PEAK1: variants seen among roughly 807,000 people sequenced by gnomAD.
PEAK1 encodes pseudopodium enriched atypical kinase 1.
Under a neutral mutation model 124.7 loss-of-function variants are expected in PEAK1, and 54 were observed. The observed-to-expected ratio is 0.43, with a 90% CI of 0.35 to 0.54. PEAK1 has a LOEUF of 0.54. Ranked by LOEUF, PEAK1 falls within the 20% of genes least tolerant of loss-of-function variation. The pLI is 0.01. For missense variants in PEAK1, 2,046 were observed against 2,134.5 expected, an observed-to-expected ratio of 0.96 and a Z score of 0.82; for synonymous variants, 719 against 760.0, an observed-to-expected ratio of 0.95 and a Z score of 0.89.
At chr15:77,332,858 T>C (rs930654196) in intron 2 of PEAK1, among the ~76,000 whole-genome samples, 14 of 152,062 alleles carry the variant, frequency 9.2e-5, no homozygotes, top group South Asian at 4.1e-4. Context: ...TCATTTTTTT[T>C]AATGGTACCT....
intron 1 of PEAK1, among the ~76,000 whole-genome samples, chr15:77,378,460 A>T (rs2069212010): frequency 6.6e-6 from 1 of 152,068 alleles, no homozygotes; most frequent in Non-Finnish European, 1.5e-5. Context: ...TTGCTACTTC[A>T]CGGTATTATT....
Position 77,361,237 on chromosome 15 carries a change from A to T in PEAK1, c.-603+3926T>A, listed in dbSNP as rs2141565476. Among the ~76,000 whole-genome samples, 2 of 152,258 alleles carry T rather than the reference A, an allele frequency of 1.3e-5. 1 individual carries two copies. Among genetic ancestry groups the T allele is most frequent in the South Asian group, 4.1e-4 (2 of 4,828 alleles). ...ATAAATGAACATTTTTCAAAAGAAG[A>T]CATATACCAGCCTGGGCAACATAAC... On this transcript the variant is annotated intron_variant, in intron 2 of 9. Transcript: ENST00000682557.
rs540853711 is a variant in PEAK1 at position 77,300,971 on chromosome 15, C to T, written c.-602-14467G>A. Among the ~76,000 whole-genome samples, 4 of 152,242 alleles carry T rather than the reference C, an allele frequency of 2.6e-5. No individual in the cohort carries two copies. In the East Asian group the frequency reaches 7.7e-4, roughly 29 times the overall value. On this transcript the variant is annotated intron_variant, in intron 2 of 9. Coordinates refer to ENST00000682557, the MANE Select transcript of PEAK1 (RefSeq NM_001385026.1). ...GGTTCAAGTGATTCTCCTGTCTCAGCCTCCAGAGTAGCTGGGATTACAGGC... is the reference window on the plus strand; with the variant it reads ...GGTTCAAGTGATTCTCCTGTCTCAGTCTCCAGAGTAGCTGGGATTACAGGC...
chr15:77,127,556 G>C (rs1353381469), intron 9 of PEAK1, among the ~76,000 whole-genome samples: 1 of 152,210 alleles, frequency 6.6e-6, no homozygotes, highest in East Asian at 1.9e-4. Context: ...CTGGAGGAAA[G>C]GGAATCCTTG....
chr15:77,214,635 A>G (rs1300935378), intron 6 of PEAK1, among the ~76,000 whole-genome samples: 1 of 151,946 alleles, frequency 6.6e-6, no homozygotes, highest in Non-Finnish European at 1.5e-5. Flanking sequence ...AAAAAAAAAA[A>G]AAAGAAAAGA....
At chr15:77,123,820 G>A (rs541005379) in intron 9 of PEAK1, among the ~76,000 whole-genome samples, 7 of 152,156 alleles carry the variant, frequency 4.6e-5, no homozygotes, top group South Asian at 2.1e-4. Context: ...TTAAGTTAAC[G>A]GCAGAAGGCC....
At chr15:77,367,167 G>T (rs1240251177) in intron 1 of PEAK1, among the ~76,000 whole-genome samples, 2 of 152,078 alleles carry the variant, frequency 1.3e-5, no homozygotes, top group East Asian at 3.9e-4. Flanking sequence ...AAGTACAAAT[G>T]ATTTGCTAAA....
intron 1 of PEAK1, among the ~76,000 whole-genome samples, chr15:77,367,993 C>A (rs549904440): frequency 6.6e-6 from 1 of 152,218 alleles, no homozygotes; most frequent in African/African-American, 2.4e-5. Context: ...ATAATCTTTA[C>A]GCTGGCAAAT....
At chr15:77,404,648 A>T in intron 1 of PEAK1, 3 of 950,604 alleles carry the variant, frequency 3.2e-6, no homozygotes, top group Non-Finnish European at 3.8e-6. Context: ...AAGAGATTTG[A>T]GACATATTCT....
chr15:77,408,188 C>CACACACA (rs1264399914), intron 1 of PEAK1, among the ~76,000 whole-genome samples: 1 of 149,900 alleles, frequency 6.7e-6, no homozygotes, highest in Non-Finnish European at 1.5e-5. Flanking sequence ...CACACACACA[C>CACACACA]CCTGGAATAC....
chr15:77,386,425 TG>T (rs1284741295), intron 1 of PEAK1, among the ~76,000 whole-genome samples: 1 of 152,206 alleles, frequency 6.6e-6, no homozygotes, highest in East Asian at 1.9e-4. Context: ...AAAATGCTGT[TG>T]GTAGCACAAA....
At position 77,262,021 on chromosome 15, in the gene PEAK1, T is replaced by C. The variant is rs558455291; in HGVS notation, c.-274-9495A>G. On this transcript the variant is annotated intron_variant, in intron 5 of 9. Coordinates refer to ENST00000682557, the MANE Select transcript of PEAK1 (RefSeq NM_001385026.1). ...ATCCAGCCAAACTAAGCTTCATAAG[T>C]GAAGGAGAAATAAAATACTTTACAG... Among the ~76,000 whole-genome samples the C allele has an allele frequency of 2.0e-5, 3 of 152,002 alleles. No individual in the cohort carries two copies. The South Asian group carries it at 6.2e-4, about 32-fold the overall frequency.
chr15:77,401,600 T>G, intron 1 of PEAK1: 6 of 983,184 alleles, frequency 6.1e-6, no homozygotes, highest in Non-Finnish European at 7.2e-6. Context: ...AACTCCCAAA[T>G]CAGCTACAAA....
At position 77,109,507 on chromosome 15, in the gene PEAK1, T is replaced by C. The variant is rs938157985; in HGVS notation, c.*4649A>G. On this transcript the variant is annotated 3_prime_UTR_variant, in exon 10 of 10. Transcript: ENST00000682557. ...ATAAAAAGGCTTGATTTCTTTGGTA[T>C]AATCTCTCCCAGGATCTTGCACTGC... 2 of 152,336 alleles carry C rather than the reference T, an allele frequency of 1.3e-5. No homozygotes were observed. Among genetic ancestry groups the C allele is most frequent in the African/African-American group, 4.8e-5 (2 of 41,578 alleles). The allele number at this position is 152,336 out of a possible 1,614,324, so 9.4% of individuals were successfully genotyped here.
chr15:77,275,825 TA>T (rs1205256485), intron 5 of PEAK1, among the ~76,000 whole-genome samples: 1 of 151,896 alleles, frequency 6.6e-6, no homozygotes, highest in Non-Finnish European at 1.5e-5. Flanking sequence ...CAGCCACCAT[TA>T]AAATGCTTCA....
intron 1 of PEAK1, among the ~76,000 whole-genome samples, chr15:77,408,811 C>A (rs1377128308): frequency 6.6e-6 from 1 of 152,152 alleles, no homozygotes; most frequent in Admixed American, 6.5e-5. Flanking sequence ...TGGCTCATGC[C>A]TGCAATCACA....
intron 2 of PEAK1, among the ~76,000 whole-genome samples, chr15:77,358,032 A>G (rs2067632547): frequency 6.6e-6 from 1 of 152,076 alleles, no homozygotes; most frequent in Admixed American, 6.6e-5. Context: ...ACATCCACAA[A>G]TTTGTCACTA....
In PEAK1 at chr15:77,212,963, T is replaced by C. The variant is rs140812160; in HGVS notation, c.-114-30923A>G. On this transcript the variant is annotated intron_variant, in intron 6 of 9. Coordinates refer to ENST00000682557, the MANE Select transcript of PEAK1 (RefSeq NM_001385026.1). ...TGTTAGCAAAAGTGAATTTTTCATT[T>C]ATTAGCAATAAACATCTTTTTAAAG... Among the ~76,000 whole-genome samples the C allele has an allele frequency of 6.5e-3, 985 of 152,316 alleles. 9 individuals carry two copies. The highest frequency in any genetic ancestry group is 0.023 in the African/African-American group (939 of 41,566).
In PEAK1 at chr15:77,408,265, A is replaced by G. The variant is rs180675988; in HGVS notation, c.-666+11741T>C. On this transcript the variant is annotated intron_variant, in intron 1 of 9. Transcript: ENST00000682557. ...AACCTGGATGGAATTGGAGACCATT[A>G]TTCTAAGTGAAGTAACTCAGGAATG... Among the ~76,000 whole-genome samples the G allele has an allele frequency of 2.8e-3, 423 of 152,094 alleles. 1 individual carries two copies. Among genetic ancestry groups the G allele is most frequent in the Non-Finnish European group, 2.2e-3 (148 of 67,996 alleles).
Sources: gnomAD v4.1 joint callset for allele counts (sites outside exome capture counted in the v4.1 genomes callset) on GRCh38, gnomAD v4.1.1 for gene constraint, MANE v1.5 for transcripts, NCBI Gene and HGNC (gene_info 2026-07-23, HGNC 2026-07-21) for gene names.